The following TFDP2 variants were observed in gnomAD, a reference collection of about 807,000 sequenced individuals.
TFDP2 encodes transcription factor Dp-2 (E2F dimerization partner 2).
Under a neutral mutation model 59.3 loss-of-function variants are expected in TFDP2, and 17 were observed. That is an observed-to-expected ratio of 0.29 (90% CI 0.20 to 0.43). The LOEUF (loss-of-function observed/expected upper bound fraction) is 0.43, where lower values mean the gene tolerates loss of function less well. Among genes scored for constraint, TFDP2 ranks in the 20% least tolerant of loss-of-function variants. TFDP2 has a pLI of 1.00. For missense variants in TFDP2, 391 were observed against 528.8 expected, an observed-to-expected ratio of 0.74 and a Z score of 2.56; for synonymous variants, 180 against 194.7, an observed-to-expected ratio of 0.92 and a Z score of 0.63.
chr3:142,148,476 A>G (rs2063253800), intron 1 of TFDP2, among the ~76,000 whole-genome samples: 1 of 152,230 alleles, frequency 6.6e-6, no homozygotes, highest in Admixed American at 6.5e-5. Context: ...ATTGCATTCC[A>G]TACATTAGTC....
Position 141,944,545 on chromosome 3 carries a change from T to A in TFDP2, c.*7968A>T, listed in dbSNP as rs1481055957. ...TTGAGATGCTTTTTCTTTCCTTTAA[T>A]CTTATAGGATGGACAAAGATACACT... On this transcript the variant is annotated 3_prime_UTR_variant, in exon 13 of 13. Coordinates refer to ENST00000489671, the MANE Select transcript of TFDP2 (RefSeq NM_001178139.2). The A allele has an allele frequency of 1.3e-5, 2 of 152,214 alleles. No individual in the cohort carries two copies. Among genetic ancestry groups the A allele is most frequent in the African/African-American group, 2.4e-5 (1 of 41,444 alleles). 9.4% of individuals were successfully genotyped at this position (152,214 alleles called of 1,614,324 possible).
chr3:141,982,407 C>G (rs1941590369), intron 6 of TFDP2, among the ~76,000 whole-genome samples: 1 of 151,464 alleles, frequency 6.6e-6, no homozygotes, highest in South Asian at 2.1e-4. Context: ...AAAGACTACT[C>G]AAGTAGTCTT....
At chr3:142,122,779 G>C (rs1382099956) in intron 1 of TFDP2, among the ~76,000 whole-genome samples, 2 of 152,186 alleles carry the variant, frequency 1.3e-5, no homozygotes, top group Admixed American at 6.5e-5. Flanking sequence ...GCAGCTGTGA[G>C]CCTAAGCAGG....
At chr3:142,038,087 AAAG>A (rs374264154) in intron 3 of TFDP2, among the ~76,000 whole-genome samples, 10 of 152,276 alleles carry the variant, frequency 6.6e-5, no homozygotes, top group African/African-American at 2.2e-4. Flanking sequence ...AAGTAGATAT[AAAG>A]AAGAAGTAGA....
chr3:141,969,754 T>C (rs528967818), intron 9 of TFDP2, among the ~76,000 whole-genome samples: 12 of 152,312 alleles, frequency 7.9e-5, no homozygotes, highest in South Asian at 4.1e-4. Context: ...ATATTCCAAA[T>C]TCGGGCTAAA....
At chr3:141,991,311 T>TA (rs1326979029) in intron 6 of TFDP2, among the ~76,000 whole-genome samples, 1 of 152,184 alleles carries the variant, frequency 6.6e-6, no homozygotes, top group Non-Finnish European at 1.5e-5. Context: ...TAAATTGCAA[T>TA]AAATGTATTT....
intron 9 of TFDP2, 26 bp downstream of exon 9, chr3:141,970,047 T>G: frequency 6.2e-7 from 1 of 1,604,672 alleles, no homozygotes; most frequent in African/African-American, 1.3e-5. Flanking sequence ...ACAGGGAAGG[T>G]AATGAAAACA....
intron 10 of TFDP2, among the ~76,000 whole-genome samples, chr3:141,962,780 G>A (rs1316347998): frequency 6.6e-6 from 1 of 152,230 alleles, no homozygotes; most frequent in Non-Finnish European, 1.5e-5. Context: ...TAGCAGTGAA[G>A]CCCAAGGGCA....
At chr3:142,029,400 T>C (rs1162211897) in intron 3 of TFDP2, among the ~76,000 whole-genome samples, 1 of 152,072 alleles carries the variant, frequency 6.6e-6, no homozygotes, top group Admixed American at 6.6e-5. Flanking sequence ...GGTTAGTCCC[T>C]TTATAGCTAG....
At chr3:142,149,133 G>A (rs1339654409) in intron 1 of TFDP2, 50 bp downstream of exon 1, 2 of 397,814 alleles carry the variant, frequency 5.0e-6, no homozygotes, top group East Asian at 3.6e-5. Flanking sequence ...CGCCCGGCCG[G>A]GTCCAAAGGC....
At chr3:141,965,626 AAAG>A (rs1937921008) in intron 9 of TFDP2, among the ~76,000 whole-genome samples, 1 of 138,172 alleles carries the variant, frequency 7.2e-6, no homozygotes, top group Admixed American at 7.0e-5. Context: ...GGAAAGGAAA[AAAG>A]AAAAGAAAAG....
At chr3:142,025,921 A>G (rs1576761614) in intron 3 of TFDP2, among the ~76,000 whole-genome samples, 1 of 152,148 alleles carries the variant, frequency 6.6e-6, no homozygotes, top group African/African-American at 2.4e-5. Context: ...CCGAGATCAC[A>G]CCATTGCACT....
At chr3:142,074,025 C>A (rs568686679) in intron 3 of TFDP2, among the ~76,000 whole-genome samples, 1 of 152,316 alleles carries the variant, frequency 6.6e-6, no homozygotes, top group East Asian at 1.9e-4. Context: ...ACTCACACTT[C>A]CCAATTTTGA....
At chr3:142,096,824 C>T (rs547337029) in intron 2 of TFDP2, among the ~76,000 whole-genome samples, 4 of 152,246 alleles carry the variant, frequency 2.6e-5, no homozygotes, top group African/African-American at 4.8e-5. Context: ...GATCGTGGAA[C>T]GGTCACTACA....
At chr3:142,094,164 A>G (rs1295198426) in intron 2 of TFDP2, among the ~76,000 whole-genome samples, 3 of 152,216 alleles carry the variant, frequency 2.0e-5, no homozygotes, top group Non-Finnish European at 4.4e-5. Context: ...GCAGAACGCA[A>G]ACATCCAAAA....
At chr3:142,007,994 C>A (rs1256915386) in intron 3 of TFDP2, among the ~76,000 whole-genome samples, 2 of 152,148 alleles carry the variant, frequency 1.3e-5, no homozygotes, top group Admixed American at 6.5e-5. Flanking sequence ...GTTGGGGACC[C>A]CTGCTTTATG....
intron 4 of TFDP2, 23 bp from the exon 5 acceptor site, chr3:141,995,164 T>C: frequency 6.5e-7 from 1 of 1,529,234 alleles, no homozygotes; most frequent in Non-Finnish European, 8.8e-7. Flanking sequence ...GAACAAAGAA[T>C]ATAATATTCT....
In TFDP2 at chr3:142,018,213, G is replaced by A. The variant is rs143976398; in HGVS notation, c.83-12669C>T. On this transcript the variant is annotated intron_variant, in intron 3 of 12. Transcript: ENST00000489671. ...CCCACCTTGGCCTCCCAAAGTGCTA[G>A]GATTACAGGCGTCAGCCACCGTACC... Among the ~76,000 whole-genome samples, 125 of 152,044 alleles carry A rather than the reference G, an allele frequency of 8.2e-4. 1 individual carries two copies. Among genetic ancestry groups the A allele is most frequent in the African/African-American group, 2.9e-3 (122 of 41,480 alleles).
In TFDP2 at chr3:142,149,514, C is replaced by A. The variant is rs1012234300; in HGVS notation, c.-424G>T. On this transcript the variant is annotated 5_prime_UTR_variant, in exon 1 of 13. Coordinates refer to ENST00000489671, the MANE Select transcript of TFDP2 (RefSeq NM_001178139.2). ...CAGCTACAGCCCCGCTTCCCCCGCG[C>A]GAGCTTTGGCGGCGGAGCAGCACAG... is the stretch of plus-strand genomic sequence containing the variant. 3.0e-6 allele frequency: 1 copy of A among 332,496 alleles called. No individual in the cohort carries two copies. The highest frequency in any genetic ancestry group is 4.9e-5 in the Admixed American group (1 of 20,602). The allele number at this position is 332,496 out of a possible 1,614,324, so 20.6% of individuals were successfully genotyped here.
Sources: allele counts gnomAD v4.1 joint callset (sites outside exome capture counted in the v4.1 genomes callset), GRCh38; gene constraint gnomAD v4.1.1; transcripts MANE v1.5; gene names NCBI Gene and HGNC (gene_info 2026-07-23, HGNC 2026-07-21).